CDH4: variants seen among roughly 807,000 people sequenced by gnomAD.
CDH4 encodes cadherin-4.
CDH4 carries 33 observed loss-of-function variants against 86.0 expected under a neutral mutation model. The ratio of observed to expected loss-of-function variants is 0.38; its 90% CI spans 0.29 to 0.51. CDH4 has a LOEUF of 0.51. Among genes scored for constraint, CDH4 ranks in the 20% least tolerant of loss-of-function variants. The probability of loss-of-function intolerance (pLI) is 0.86; values close to 1 mark genes in which losing one functional copy is unlikely to be tolerated. For missense variants in CDH4, 1,114 were observed against 1,307.4 expected (o/e 0.85, Z 2.28); for synonymous variants, 555 against 549.4 (o/e 1.01, Z -0.14).
rs562454604 is a variant in CDH4 at position 61,676,295 on chromosome 20, A to T, written c.170-67268A>T. The stretch of plus-strand genomic sequence containing the variant: ...CACAAAGACAATCTTTATAAAACTC[A>T]GGTTAGGAAATGAATAGTGCGATTG... On this transcript the variant is annotated intron_variant, in intron 2 of 15. Coordinates refer to ENST00000614565, the MANE Select transcript of CDH4 (RefSeq NM_001794.5). The surrounding 1 kb of genome is among the most constrained non-coding windows in gnomAD (Gnocchi z 4.5). Among the ~76,000 whole-genome samples, 31 of 152,310 alleles carry T rather than the reference A, an allele frequency of 2.0e-4. No homozygotes were observed. Among genetic ancestry groups the T allele is most frequent in the African/African-American group, 6.7e-4 (28 of 41,566 alleles).
At chr20:61,656,527 G>C (rs897051171) in intron 2 of CDH4, among the ~76,000 whole-genome samples, 2 of 152,152 alleles carry the variant, frequency 1.3e-5, no homozygotes, top group African/African-American at 2.4e-5. Context: ...GTGTGGTCAG[G>C]TGTGTGGCTG....
chr20:61,536,098 G>A (rs1436538041), intron 2 of CDH4, among the ~76,000 whole-genome samples: 1 of 152,208 alleles, frequency 6.6e-6, no homozygotes, highest in Non-Finnish European at 1.5e-5. Context: ...CCCAGTGAGT[G>A]GCCCAGGCTA....
chr20:61,775,138 G>T (rs765230379), intron 4 of CDH4, among the ~76,000 whole-genome samples: 58 of 152,272 alleles, frequency 3.8e-4, no homozygotes, highest in Non-Finnish European at 5.1e-4. Flanking sequence ...CCAAACCACA[G>T]TTTGATCACT....
intron 2 of CDH4, among the ~76,000 whole-genome samples, chr20:61,455,487 C>A (rs1256511104): frequency 1.3e-5 from 2 of 152,140 alleles, no homozygotes; most frequent in East Asian, 3.8e-4. Context: ...CAATCGCACT[C>A]CTGAAAAATT....
intron 2 of CDH4, among the ~76,000 whole-genome samples, chr20:61,266,950 A>G (rs1465698925): frequency 6.6e-6 from 1 of 152,162 alleles, no homozygotes; most frequent in Non-Finnish European, 1.5e-5. Context: ...TCCAAGGACA[A>G]CTGTCTTGAC....
intron 2 of CDH4, among the ~76,000 whole-genome samples, chr20:61,655,160 T>C (rs2145822610): frequency 6.6e-6 from 1 of 152,366 alleles, no homozygotes; most frequent in Admixed American, 6.5e-5. Flanking sequence ...TATGCAGGCA[T>C]ATATGTGTAT....
intron 2 of CDH4, among the ~76,000 whole-genome samples, chr20:61,258,029 A>G (rs2084108461): frequency 6.6e-6 from 1 of 152,164 alleles, no homozygotes; most frequent in South Asian, 2.1e-4. Context: ...TGGGCCACAG[A>G]GTATAGAAAG....
chr20:61,536,549 A>G (rs1361260982), intron 2 of CDH4, among the ~76,000 whole-genome samples: 1 of 152,082 alleles, frequency 6.6e-6, no homozygotes, highest in Non-Finnish European at 1.5e-5. Flanking sequence ...ACCCCTTCCG[A>G]TGCTCCCCAG....
chr20:61,532,710 C>A (rs1053922689), intron 2 of CDH4, among the ~76,000 whole-genome samples: 22 of 152,154 alleles, frequency 1.4e-4, no homozygotes, highest in African/African-American at 5.1e-4. Flanking sequence ...GTGGAGCAGG[C>A]TCTGGGGAGA....
intron 2 of CDH4, among the ~76,000 whole-genome samples, chr20:61,272,017 T>G (rs1310553774): frequency 6.6e-6 from 1 of 152,202 alleles, no homozygotes; most frequent in African/African-American, 2.4e-5. Flanking sequence ...GCGCTGCTCT[T>G]GTACTTGGTG....
At chr20:61,551,349 T>G (rs1422183977) in intron 2 of CDH4, among the ~76,000 whole-genome samples, 2 of 152,146 alleles carry the variant, frequency 1.3e-5, no homozygotes, top group Non-Finnish European at 2.9e-5. Context: ...TTTACTGGAG[T>G]ATAAAGTCAT....
chr20:61,631,635 C>T (rs2086889652), intron 2 of CDH4, among the ~76,000 whole-genome samples: 1 of 152,194 alleles, frequency 6.6e-6, no homozygotes, highest in Non-Finnish European at 1.5e-5. Context: ...CAAAGCAAAA[C>T]TCCATCTCTA....
Position 61,618,645 on chromosome 20 carries a change from C to T in CDH4, c.170-124918C>T, listed in dbSNP as rs151210086. ...TGGTCCTGGTTATGGAGCAATTCAG[C>T]GGTGCTGGGCAGATGGATCTCAGAG... On this transcript the variant is annotated intron_variant, in intron 2 of 15. Coordinates refer to ENST00000614565, the MANE Select transcript of CDH4 (RefSeq NM_001794.5). 2.5e-3 allele frequency among the ~76,000 whole-genome samples: 379 copies of T among 152,312 alleles called. 5 individuals carry two copies. Among genetic ancestry groups the T allele is most frequent in the Non-Finnish European group, 3.7e-3 (254 of 68,024 alleles).
At chr20:61,532,054 G>T (rs899639106) in intron 2 of CDH4, among the ~76,000 whole-genome samples, 2 of 152,206 alleles carry the variant, frequency 1.3e-5, no homozygotes, top group East Asian at 3.9e-4. Context: ...CGGCCCTCAG[G>T]CTCTGCCACT....
intron 2 of CDH4, among the ~76,000 whole-genome samples, chr20:61,421,605 C>T (rs929321223): frequency 3.3e-5 from 5 of 149,442 alleles, no homozygotes; most frequent in African/African-American, 4.9e-5. Flanking sequence ...CCATGTGCAG[C>T]TCTACACTTA....
chr20:61,685,547 C>G (rs1363535415), intron 2 of CDH4, among the ~76,000 whole-genome samples: 1 of 152,258 alleles, frequency 6.6e-6, no homozygotes, highest in Non-Finnish European at 1.5e-5. Flanking sequence ...CTCGGCCCCA[C>G]CACCCCGCTG....
At position 61,299,361 on chromosome 20, in the gene CDH4, G is replaced by A. The variant is rs568978294; in HGVS notation, c.169+44424G>A. Among the ~76,000 whole-genome samples the A allele has an allele frequency of 2.7e-4, 41 of 152,282 alleles. No homozygotes were observed. The South Asian group carries it at 7.0e-3, about 26-fold the overall frequency. On this transcript the variant is annotated intron_variant, in intron 2 of 15. Coordinates refer to ENST00000614565, the MANE Select transcript of CDH4 (RefSeq NM_001794.5). ...CGGCCCTGCAGACACTCTGATCTCCGTCAAACTCCTGGGCTCCAGAACAGA... is the reference window on the plus strand; with the variant it reads ...CGGCCCTGCAGACACTCTGATCTCCATCAAACTCCTGGGCTCCAGAACAGA...
At position 61,565,243 on chromosome 20, in the gene CDH4, C is replaced by CGGTGCTCTTGGTGGTGGT. The variant is rs1555809128; in HGVS notation, c.170-178307_170-178306insGTGGTGGTGCTCTTGGTG. Among the ~76,000 whole-genome samples, 3 of 35,546 alleles carry CGGTGCTCTTGGTGGTGGT rather than the reference C, an allele frequency of 8.4e-5. 1 individual carries two copies. The Admixed American group carries it at 9.1e-4, about 11-fold the overall frequency. 23.3% of individuals were successfully genotyped at this position (35,546 alleles called of 152,430 possible). A position where few individuals can be genotyped will look rare whatever the true frequency, so the allele number is the denominator to read the frequency against. On this transcript the variant is annotated intron_variant, in intron 2 of 15. Coordinates refer to ENST00000614565, the MANE Select transcript of CDH4 (RefSeq NM_001794.5). ...TGGTAGGTGGTGGTGGTGGTGGTGG[C>CGGTGCTCTTGGTGGTGGT]GGTGCTCTTGGTGATGGTGGTGGTG...
At chr20:61,630,296 G>A (rs1475657852) in intron 2 of CDH4, among the ~76,000 whole-genome samples, 1 of 152,206 alleles carries the variant, frequency 6.6e-6, no homozygotes, top group Non-Finnish European at 1.5e-5. Flanking sequence ...ACACCTGGGA[G>A]TAGGACTTGG....
Sources: gnomAD v4.1 joint callset for allele counts (sites outside exome capture counted in the v4.1 genomes callset) on GRCh38, gnomAD v4.1.1 for gene constraint, Gnocchi (gnomAD v3.1) non-coding constraint, MANE v1.5 for transcripts, NCBI Gene and HGNC (gene_info 2026-07-23, HGNC 2026-07-21) for gene names.